Variants in NRCAM observed in about 807,000 individuals in gnomAD.
The protein encoded by NRCAM is NgCAM-related cell adhesion molecule.
NRCAM carries 83 observed loss-of-function variants against 156.5 expected under a neutral mutation model. The ratio of observed to expected loss-of-function variants is 0.53; its 90% confidence interval spans 0.44 to 0.64. NRCAM has a LOEUF of 0.64. Ranked by LOEUF, NRCAM falls within the 30% of genes least tolerant of loss-of-function variation. NRCAM has a pLI of 0.00. For synonymous variants in NRCAM, 538 were observed against 563.9 expected (o/e 0.95, Z 0.65); for missense variants, 1,417 against 1,597.3 (o/e 0.89, Z 1.92).
At chr7:108,211,471 G>A (rs534680562) in intron 11 of NRCAM, among the ~76,000 whole-genome samples, 1 of 152,314 alleles carries the variant, frequency 6.6e-6, no homozygotes, top group East Asian at 1.9e-4. Context: ...CCGCTGGGAG[G>A]TGGATAGTCT....
Position 108,396,835 on chromosome 7 carries a change from T to TTGATTCTGTTCCA in NRCAM, c.-174+2588_-174+2600dup, listed in dbSNP as rs2099778241. 3.9e-5 allele frequency among the ~76,000 whole-genome samples: 6 copies of TTGATTCTGTTCCA among 152,346 alleles called. No homozygotes were observed. In the South Asian group the frequency reaches 1.2e-3, roughly 32 times the overall value. On this transcript the variant is annotated intron_variant, in intron 2 of 32. Coordinates refer to ENST00000379028, the MANE Select transcript of NRCAM (RefSeq NM_001037132.4). ...TAACTAGAATTTAAACACAGGTGGT[T>TTGATTCTGTTCCA]TGATTCTGTTCCAATCTTTCATTTC...
intron 1 of NRCAM, among the ~76,000 whole-genome samples, chr7:108,441,590 T>C (rs1838592927): frequency 6.6e-6 from 1 of 152,222 alleles, no homozygotes; most frequent in Non-Finnish European, 1.5e-5. Context: ...GACACAGTAA[T>C]GTGCAGGAAT....
rs142842462 is a variant in NRCAM at position 108,425,258 on chromosome 7, G to A, written c.-331-25665C>T. On this transcript the variant is annotated intron_variant, in intron 1 of 32. Coordinates refer to ENST00000379028, the MANE Select transcript of NRCAM (RefSeq NM_001037132.4). ...GGAAGAGAATAACTCAGAAGAAATG[G>A]AACATTAAAAGACAAAGTTTTATTT... Among the ~76,000 whole-genome samples the A allele has an allele frequency of 7.5e-3, 1,149 of 152,222 alleles. 8 individuals carry two copies. The highest frequency in any genetic ancestry group is 0.027 in the Middle Eastern group (8 of 294).
intron 1 of NRCAM, among the ~76,000 whole-genome samples, chr7:108,420,529 A>G (rs923656596): frequency 6.6e-6 from 1 of 151,918 alleles, no homozygotes; most frequent in Non-Finnish European, 1.5e-5. Context: ...CAAGGGGGGG[A>G]GTTTCTCAGC....
intron 3 of NRCAM, among the ~76,000 whole-genome samples, chr7:108,268,543 G>T (rs2097192150): frequency 6.7e-6 from 1 of 149,346 alleles, no homozygotes; most frequent in Admixed American, 6.7e-5. Context: ...GTGCCTAAAA[G>T]ATGTGGGTGA....
chr7:108,234,369 G>T (rs1340000916), intron 6 of NRCAM, among the ~76,000 whole-genome samples: 1 of 152,084 alleles, frequency 6.6e-6, no homozygotes, highest in East Asian at 1.9e-4. Context: ...CAGGACCCAA[G>T]AAGTTACCTT....
intron 2 of NRCAM, among the ~76,000 whole-genome samples, chr7:108,399,085 A>G (rs1420980602): frequency 6.6e-6 from 1 of 152,188 alleles, no homozygotes; most frequent in Non-Finnish European, 1.5e-5. Context: ...GGTAAGGCAG[A>G]TATTGAGGCT....
At chr7:108,331,264 G>T (rs1425520259) in intron 2 of NRCAM, among the ~76,000 whole-genome samples, 2 of 151,872 alleles carry the variant, frequency 1.3e-5, no homozygotes, top group African/African-American at 2.4e-5. Context: ...TGGGTGTAGT[G>T]GTGCACACCT....
At chr7:108,191,333 A>G (rs979885678) in intron 18 of NRCAM, 50 bp from the exon 19 acceptor site, 3 of 1,335,772 alleles carry the variant, frequency 2.2e-6, no homozygotes, top group Admixed American at 2.0e-5. Context: ...AGTAATGGAA[A>G]GATACAAGAT....
At chr7:108,323,596 G>A (rs977771011) in intron 2 of NRCAM, among the ~76,000 whole-genome samples, 4 of 152,030 alleles carry the variant, frequency 2.6e-5, no homozygotes, top group Non-Finnish European at 5.9e-5. Context: ...AACTTATTTG[G>A]CAAATAGTTT....
At chr7:108,178,207 T>C in intron 25 of NRCAM, 95 bp from the exon 26 acceptor site, 15 of 1,298,584 alleles carry the variant, frequency 1.2e-5, no homozygotes, top group East Asian at 5.0e-5. Context: ...TTCAAGGTTT[T>C]GAGTTTCAGT....
At chr7:108,344,119 G>A (rs888557842) in intron 2 of NRCAM, among the ~76,000 whole-genome samples, 3 of 152,060 alleles carry the variant, frequency 2.0e-5, no homozygotes, top group South Asian at 2.1e-4. Context: ...AGCGGTCATC[G>A]GCCAACCTCC....
chr7:108,154,204 G>C (rs1266134454), intron 32 of NRCAM, among the ~76,000 whole-genome samples: 1 of 152,160 alleles, frequency 6.6e-6, no homozygotes, highest in Admixed American at 6.6e-5. Context: ...TATAGTCTTG[G>C]TGCAGAGATA....
intron 8 of NRCAM, among the ~76,000 whole-genome samples, chr7:108,229,355 T>G (rs1161686106): frequency 6.6e-6 from 1 of 152,226 alleles, no homozygotes; most frequent in Non-Finnish European, 1.5e-5. Context: ...CTTGAACTCC[T>G]GAGCTGAAGC....
intron 2 of NRCAM, among the ~76,000 whole-genome samples, chr7:108,357,784 T>C (rs181352793): frequency 5.9e-5 from 9 of 152,350 alleles, no homozygotes; most frequent in Non-Finnish European, 1.0e-4. Context: ...CATTGGTGAT[T>C]AAATTAGGCT....
chr7:108,433,232 C>G (rs995240288), intron 1 of NRCAM, among the ~76,000 whole-genome samples: 5 of 152,046 alleles, frequency 3.3e-5, no homozygotes, highest in Non-Finnish European at 7.4e-5. Flanking sequence ...TGAGATTGCA[C>G]GCCCCCACCC....
rs552976870 is a variant in NRCAM, at chr7:108,272,748, A to G, written c.-106-32578T>C. Among the ~76,000 whole-genome samples the G allele has an allele frequency of 1.2e-3, 178 of 151,774 alleles. 1 individual carries two copies. The highest frequency in any genetic ancestry group is 3.4e-3 in the Middle Eastern group (1 of 294). Reference sequence around the variant, plus strand: ...AATACTAAAAATAATCCAGAATTCTATTTTTTTCTTTATTATTATTATACT... The same window carrying G: ...AATACTAAAAATAATCCAGAATTCTGTTTTTTTCTTTATTATTATTATACT... On this transcript the variant is annotated intron_variant, in intron 3 of 32. Coordinates refer to ENST00000379028, the MANE Select transcript of NRCAM (RefSeq NM_001037132.4).
rs2061667966 is a variant in NRCAM at position 108,178,164 on chromosome 7, G to A, written c.2852-52C>T. The stretch of plus-strand genomic sequence containing the variant: ...CAAAGATTTCTGAATGTTTCAACAT[G>A]TATTAAATTGACATTTCACCGTGCT... On this transcript the variant is annotated intron_variant, in intron 25 of 32. Transcript: ENST00000379028. The A allele has an allele frequency of 3.2e-6, 5 of 1,576,536 alleles. No homozygotes were observed. In the Admixed American group the frequency reaches 7.0e-5, roughly 22 times the overall value.
chr7:108,168,241 C>T (rs1370105672), intron 29 of NRCAM, 36 bp downstream of exon 29: 3 of 1,473,394 alleles, frequency 2.0e-6, no homozygotes, highest in Non-Finnish European at 2.7e-6. Flanking sequence ...AATGCATCCC[C>T]CAAATTAAAA....
Sources: allele counts gnomAD v4.1 joint callset (sites outside exome capture counted in the v4.1 genomes callset), GRCh38; gene constraint gnomAD v4.1.1; transcripts MANE v1.5; gene names NCBI Gene and HGNC (gene_info 2026-07-23, HGNC 2026-07-21).